Variants in RBFOX1 observed in about 807,000 individuals in gnomAD.
RBFOX1 encodes the protein RNA binding fox-1 homolog 1.
In RBFOX1, 8 loss-of-function variants were observed where a neutral mutation model predicts 57.7. The ratio of observed to expected loss-of-function variants is 0.14; its 90% CI spans 0.08 to 0.25. The LOEUF is 0.25. Ranked by LOEUF, RBFOX1 falls within the 10% of genes least tolerant of loss-of-function variation. The pLI, the probability that RBFOX1 is intolerant of heterozygous loss-of-function variation, is 1.00. For missense variants in RBFOX1, 611 were observed against 548.5 expected (o/e 1.11, Z -1.14); for synonymous variants, 326 against 222.4 (o/e 1.47, Z -4.15).
intron 2 of RBFOX1, among the ~76,000 whole-genome samples, chr16:5,557,302 T>TAAATAAAA (rs2045717328): frequency 6.9e-6 from 1 of 144,374 alleles, no homozygotes; most frequent in South Asian, 2.1e-4. Context: ...AATAAATAAA[T>TAAATAAAA]AAAAATTTCT....
At chr16:6,964,487 A>C (rs527350964) in intron 3 of RBFOX1, among the ~76,000 whole-genome samples, 1 of 152,136 alleles carries the variant, frequency 6.6e-6, no homozygotes, top group South Asian at 2.1e-4. Flanking sequence ...ATGGTTATCA[A>C]CTGTAACAAA....
chr16:5,974,177 C>T (rs1488826655), intron 4 of RBFOX1, among the ~76,000 whole-genome samples: 1 of 152,164 alleles, frequency 6.6e-6, no homozygotes, highest in Non-Finnish European at 1.5e-5. Flanking sequence ...GCACAGCAGG[C>T]AATGCCAGAT....
chr16:7,009,295 C>G (rs542901638), intron 3 of RBFOX1, among the ~76,000 whole-genome samples: 50 of 148,110 alleles, frequency 3.4e-4, no homozygotes, highest in South Asian at 2.7e-3. Context: ...CTCTCACTCT[C>G]TGTCTCTTCC....
At chr16:5,244,933 G>A (rs988153361) in intron 1 of RBFOX1, among the ~76,000 whole-genome samples, 1 of 152,216 alleles carries the variant, frequency 6.6e-6, no homozygotes, top group African/African-American at 2.4e-5. Context: ...GTGTTGCCCT[G>A]GGCTTTAATT....
chr16:6,704,045 C>T (rs536122437), intron 3 of RBFOX1: 4 of 152,584 alleles, frequency 2.6e-5, no homozygotes, highest in African/African-American at 9.6e-5. Flanking sequence ...CTAATTCCCC[C>T]TCCTCCTCGA....
intron 3 of RBFOX1, among the ~76,000 whole-genome samples, chr16:6,876,813 A>G (rs2061936137): frequency 6.6e-6 from 1 of 152,142 alleles, no homozygotes; most frequent in Admixed American, 6.5e-5. Flanking sequence ...ATCTGCTAAA[A>G]CTGACCGAAA....
intron 14 of RBFOX1, among the ~76,000 whole-genome samples, chr16:7,704,335 G>T (rs1015557485): frequency 6.6e-6 from 1 of 152,188 alleles, no homozygotes; most frequent in African/African-American, 2.4e-5. Flanking sequence ...GGCTTTTGAT[G>T]AGTTTTATGG....
chr16:7,101,854 C>A (rs554693341), intron 4 of RBFOX1, among the ~76,000 whole-genome samples: 2 of 152,040 alleles, frequency 1.3e-5, no homozygotes, highest in Non-Finnish European at 2.9e-5. Flanking sequence ...TTGTCTGCAT[C>A]CCAGGTCCAG....
chr16:6,004,955 C>T (rs755847908), intron 4 of RBFOX1, among the ~76,000 whole-genome samples: 23 of 151,994 alleles, frequency 1.5e-4, no homozygotes, highest in Non-Finnish European at 2.8e-4. Flanking sequence ...AAACCAAAAT[C>T]GGATGAGGGA....
At chr16:7,329,335 C>T (rs529146699) in intron 4 of RBFOX1, among the ~76,000 whole-genome samples, 65 of 152,144 alleles carry the variant, frequency 4.3e-4, no homozygotes, top group Non-Finnish European at 8.7e-4. Flanking sequence ...TTTAAAGTTC[C>T]TGCATTACAC....
At chr16:7,079,357 A>G (rs1218522693) in intron 4 of RBFOX1, among the ~76,000 whole-genome samples, 1 of 152,160 alleles carries the variant, frequency 6.6e-6, no homozygotes, top group Non-Finnish European at 1.5e-5. Context: ...GAGCAGAGGA[A>G]AGGTATGCTG....
At chr16:7,156,376 T>A (rs540277715) in intron 4 of RBFOX1, among the ~76,000 whole-genome samples, 6 of 152,086 alleles carry the variant, frequency 3.9e-5, no homozygotes, top group African/African-American at 1.4e-4. Flanking sequence ...TACATATGCG[T>A]GTACATATAT....
chr16:7,093,939 T>C (rs2061279911), intron 4 of RBFOX1, among the ~76,000 whole-genome samples: 1 of 151,888 alleles, frequency 6.6e-6, no homozygotes, highest in Non-Finnish European at 1.5e-5. Flanking sequence ...TGTGACTATA[T>C]AAGGCGTATA....
chr16:6,624,924 C>T (rs1037828855), intron 2 of RBFOX1, among the ~76,000 whole-genome samples: 2 of 151,840 alleles, frequency 1.3e-5, no homozygotes, highest in Non-Finnish European at 2.9e-5. Context: ...GCACTTTGGT[C>T]GAGGTCGAGG....
intron 2 of RBFOX1, among the ~76,000 whole-genome samples, chr16:6,333,615 T>C (rs74005090): frequency 1.1e-3 from 169 of 152,322 alleles, no homozygotes; most frequent in African/African-American, 3.9e-3. Context: ...TCTGAAAAAC[T>C]CTTAAAATTA....
chr16:6,816,843 C>G (rs1295612332), intron 3 of RBFOX1, among the ~76,000 whole-genome samples: 1 of 152,050 alleles, frequency 6.6e-6, no homozygotes, highest in East Asian at 1.9e-4. Flanking sequence ...CTCCTGGGCT[C>G]AAACAGTCCT....
At chr16:7,265,958 G>GTTTTGTT (rs1567956407) in intron 4 of RBFOX1, among the ~76,000 whole-genome samples, 3 of 107,604 alleles carry the variant, frequency 2.8e-5, no homozygotes, top group African/African-American at 4.6e-5. Flanking sequence ...GATCTGGTGG[G>GTTTTGTT]TTTTTGTTTT....
intron 3 of RBFOX1, among the ~76,000 whole-genome samples, chr16:6,692,635 A>AT (rs71145277): frequency 2.6e-4 from 39 of 148,810 alleles, no homozygotes; most frequent in East Asian, 1.2e-3. Context: ...ATCCAAACAC[A>AT]TTTTTTTTTT....
At chr16:7,069,763 C>G (rs1166000576) in intron 4 of RBFOX1, among the ~76,000 whole-genome samples, 2 of 152,078 alleles carry the variant, frequency 1.3e-5, no homozygotes, top group African/African-American at 4.8e-5. Flanking sequence ...TGGGATTAAG[C>G]CCCAGTTGCC....
Sources: gnomAD v4.1 joint callset for allele counts (sites outside exome capture counted in the v4.1 genomes callset) on GRCh38, gnomAD v4.1.1 for gene constraint, MANE v1.5 for transcripts, NCBI Gene and HGNC (gene_info 2026-07-23, HGNC 2026-07-21) for gene names.